Variants in ARL3 observed in about 807,000 individuals in gnomAD.
The protein encoded by ARL3 is ADP-ribosylation factor-like protein 3.
A neutral mutation model predicts 26.0 loss-of-function variants in ARL3; 9 were observed. The ratio of observed to expected loss-of-function variants is 0.35; its 90% CI spans 0.21 to 0.60. ARL3 has a LOEUF of 0.60. ARL3 is among the 20% of genes least tolerant of loss of function. The pLI is 0.78. For synonymous variants in ARL3, 71 were observed against 78.4 expected (o/e 0.91, Z 0.50); for missense variants, 158 against 215.7 (o/e 0.73, Z 1.67).
chr10:102,714,282 G>C lies in ARL3; in HGVS notation c.-7C>G. The C allele has an allele frequency of 2.3e-6, 3 of 1,312,704 alleles. No homozygotes were observed. Among genetic ancestry groups the C allele is most frequent in the Non-Finnish European group, 2.9e-6 (3 of 1,022,314 alleles). The allele number at this position is 1,312,704 out of a possible 1,614,324, so 81.3% of individuals were successfully genotyped here. On this transcript the variant is annotated 5_prime_UTR_variant, in exon 1 of 6. Transcript: ENST00000260746. ...AGGCCCCCACACTCACCATCCTCCC[G>C]CCGAGTCCCTCCTCCTCCTCCTCCT...
intron 4 of ARL3, among the ~76,000 whole-genome samples, chr10:102,689,423 T>C (rs190117614): frequency 2.8e-4 from 43 of 152,334 alleles, no homozygotes; most frequent in Admixed American, 4.6e-4. Context: ...GTTTGAACTG[T>C]AAAGGTTAAC....
intron 5 of ARL3, among the ~76,000 whole-genome samples, chr10:102,684,799 C>T (rs112004166): frequency 0.011 from 1,636 of 151,876 alleles, 15 homozygotes; most frequent in Middle Eastern, 0.024. Flanking sequence ...CCACCATGTC[C>T]GGCTGATTTT....
chr10:102,686,570 T>C (rs1465110033), intron 4 of ARL3, among the ~76,000 whole-genome samples: 1 of 150,352 alleles, frequency 6.7e-6, no homozygotes, highest in Non-Finnish European at 1.5e-5. Context: ...GTTCAAGCAA[T>C]TCTCACCCCT....
chr10:102,712,018 CTCCATAAA>C (rs1460944391), intron 1 of ARL3, among the ~76,000 whole-genome samples: 1 of 152,092 alleles, frequency 6.6e-6, no homozygotes, highest in East Asian at 1.9e-4. Flanking sequence ...GTAGAAAGTG[CTCCATAAA>C]TAATTACTGA....
rs190479204 is a variant in ARL3, at chr10:102,707,560, T to C, written c.4-2071A>G. 5.9e-5 allele frequency among the ~76,000 whole-genome samples: 9 copies of C among 152,322 alleles called. No homozygotes were observed. The East Asian group carries it at 1.5e-3, about 26-fold the overall frequency. ...AATTATGCAAAATGGTTGTATTTGT[T>C]ATTCACATTGTACCAGGCAATAATT... is the stretch of plus-strand genomic sequence containing the variant. On this transcript the variant is annotated intron_variant, in intron 1 of 5. Transcript: ENST00000260746.
chr10:102,708,908 A>ATATATTTGTT, intron 1 of ARL3, among the ~76,000 whole-genome samples: 1 of 95,350 alleles, frequency 1.0e-5, no homozygotes, highest in Non-Finnish European at 2.0e-5. Flanking sequence ...ATATATATAT[A>ATATATTTGTT]TTTTTTTTTT....
chr10:102,689,139 A>C (rs1316442707), intron 4 of ARL3, among the ~76,000 whole-genome samples: 1 of 151,902 alleles, frequency 6.6e-6, no homozygotes, highest in East Asian at 2.0e-4. Flanking sequence ...CCTGGTCAAC[A>C]TGGTGAAACC....
chr10:102,707,501 G>C (rs553673416), intron 1 of ARL3, among the ~76,000 whole-genome samples: 1 of 152,202 alleles, frequency 6.6e-6, no homozygotes, highest in Non-Finnish European at 1.5e-5. Context: ...TAATCTCCCA[G>C]CCCAAGAAGA....
chr10:102,681,075 G>A (rs755337606), intron 5 of ARL3, among the ~76,000 whole-genome samples: 1 of 152,166 alleles, frequency 6.6e-6, no homozygotes. Context: ...GGCCTAGAAA[G>A]AAGTGGTAAA....
chr10:102,699,498 G>C lies in ARL3; in HGVS notation c.148-9C>G, dbSNP rs185381962. On this transcript the variant is annotated splice_polypyrimidine_tract_variant and intron_variant, in intron 2 of 5. Coordinates refer to ENST00000260746, the MANE Select transcript of ARL3 (RefSeq NM_004311.4). ...CTTTTGATGTTGAAACCCTGAAACA[G>C]GGACAAAAACATCAAGTTTTATTAA... The C allele has an allele frequency of 1.3e-6, 2 of 1,502,390 alleles. No individual in the cohort carries two copies. The highest frequency in any genetic ancestry group is 1.8e-6 in the Non-Finnish European group (2 of 1,085,650). The allele number at this position is 1,502,390 out of a possible 1,614,324, so 93.1% of individuals were successfully genotyped here. A position where few individuals can be genotyped will look rare whatever the true frequency, so the allele number is the denominator to read the frequency against.
At chr10:102,680,699 G>C (rs1245817781) in intron 5 of ARL3, among the ~76,000 whole-genome samples, 1 of 152,166 alleles carries the variant, frequency 6.6e-6, no homozygotes, top group Non-Finnish European at 1.5e-5. Context: ...CTGGAAGGAA[G>C]CGGTGGCAGC....
Position 102,676,532 on chromosome 10 carries a change from C to A in ARL3, c.*362G>T, listed in dbSNP as rs2064131653. The A allele has an allele frequency of 5.8e-6, 1 of 171,352 alleles. No individual in the cohort carries two copies. Among genetic ancestry groups the A allele is most frequent in the Non-Finnish European group, 1.2e-5 (1 of 81,464 alleles). 10.6% of individuals were successfully genotyped at this position (171,352 alleles called of 1,614,324 possible). ...AGCAAAGCTGCTTCTTCCTCTTTTTCTTTTTCTTTTTTTTTTTTTGAGAGG... is the reference window on the plus strand; with the variant it reads ...AGCAAAGCTGCTTCTTCCTCTTTTTATTTTTCTTTTTTTTTTTTTGAGAGG... On this transcript the variant is annotated 3_prime_UTR_variant, in exon 6 of 6. Coordinates refer to ENST00000260746, the MANE Select transcript of ARL3 (RefSeq NM_004311.4).
rs969192791 is a variant in ARL3, at chr10:102,674,149, G to A, written c.*2745C>T. 6.5e-6 allele frequency: 1 copy of A among 152,742 alleles called. No individual in the cohort carries two copies. Among genetic ancestry groups the A allele is most frequent in the Admixed American group, 6.5e-5 (1 of 15,278 alleles). The allele number at this position is 152,742 out of a possible 1,614,324, so 9.5% of individuals were successfully genotyped here. ...TCAAAAGCAAGGAGAGAGAAGTGGA[G>A]ACGGAGGGAGGGAGGAAGGAAGGGG... is the stretch of plus-strand genomic sequence containing the variant. On this transcript the variant is annotated 3_prime_UTR_variant, in exon 6 of 6. Transcript: ENST00000260746.
chr10:102,688,245 C>T (rs149671874), intron 4 of ARL3, among the ~76,000 whole-genome samples: 80 of 152,302 alleles, frequency 5.3e-4, no homozygotes, highest in African/African-American at 1.9e-3. Context: ...CATGGGCTTT[C>T]AAAGAGAACT....
At chr10:102,700,238 G>A (rs1037999815) in intron 2 of ARL3, among the ~76,000 whole-genome samples, 1 of 151,852 alleles carries the variant, frequency 6.6e-6, no homozygotes, top group Non-Finnish European at 1.5e-5. Flanking sequence ...GTGAAACACC[G>A]TCTCTACTAA....
intron 2 of ARL3, among the ~76,000 whole-genome samples, chr10:102,704,108 A>C (rs1395769830): frequency 7.6e-6 from 1 of 130,786 alleles, no homozygotes; most frequent in Non-Finnish European, 1.6e-5. Context: ...CTGAGATTGC[A>C]CTGCTGCATT....
chr10:102,689,352 A>T (rs923459609), intron 4 of ARL3, among the ~76,000 whole-genome samples: 2 of 152,096 alleles, frequency 1.3e-5, no homozygotes, highest in African/African-American at 4.8e-5. Flanking sequence ...AACTGTTTAA[A>T]GAACTCTCAA....
At chr10:102,681,892 C>A (rs983096081) in intron 5 of ARL3, among the ~76,000 whole-genome samples, 5 of 152,116 alleles carry the variant, frequency 3.3e-5, no homozygotes, top group African/African-American at 1.2e-4. Context: ...ACTGTAACAG[C>A]AGAAAGAGCT....
chr10:102,708,908 A>ATATATATATTTTTTTT, intron 1 of ARL3, among the ~76,000 whole-genome samples: 3 of 95,326 alleles, frequency 3.1e-5, no homozygotes, highest in East Asian at 3.1e-4. Flanking sequence ...ATATATATAT[A>ATATATATATTTTTTTT]TTTTTTTTTT....
Sources: gnomAD v4.1 joint callset for allele counts (sites outside exome capture counted in the v4.1 genomes callset) on GRCh38, gnomAD v4.1.1 for gene constraint, MANE v1.5 for transcripts, NCBI Gene and HGNC (gene_info 2026-07-23, HGNC 2026-07-21) for gene names.